Variants in MELK observed in about 807,000 individuals in gnomAD.
The protein encoded by MELK is pEg3 kinase.
A neutral mutation model predicts 85.0 loss-of-function variants in MELK; 81 were observed. The ratio of observed to expected loss-of-function variants is 0.95; its 90% CI spans 0.80 to 1.15. The LOEUF is 1.15. MELK is among the 50% of genes most tolerant of loss of function. MELK has a pLI of 0.00. For synonymous variants in MELK, 252 were observed against 265.0 expected, an observed-to-expected ratio of 0.95 and a Z score of 0.48; for missense variants, 754 against 777.5, an observed-to-expected ratio of 0.97 and a Z score of 0.36.
At chr9:36,604,130 T>A (rs1825219318) in intron 7 of MELK, among the ~76,000 whole-genome samples, 1 of 151,346 alleles carries the variant, frequency 6.6e-6, no homozygotes. Flanking sequence ...CCACCCTGCC[T>A]GGCAAATTTT....
At chr9:36,633,751 T>C (rs1329625971) in intron 10 of MELK, among the ~76,000 whole-genome samples, 1 of 150,522 alleles carries the variant, frequency 6.6e-6, no homozygotes, top group East Asian at 1.9e-4. Flanking sequence ...TTTACAACTT[T>C]GCAAATTTCT....
In MELK at chr9:36,601,595, TACCATCTTA is replaced by T. The variant is rs539307534; in HGVS notation, c.567+2112_567+2120del. 8.5e-5 allele frequency among the ~76,000 whole-genome samples: 13 copies of T among 152,346 alleles called. No individual in the cohort carries two copies. The South Asian group carries it at 2.7e-3, about 32-fold the overall frequency. On this transcript the variant is annotated intron_variant, in intron 7 of 17. Coordinates refer to ENST00000298048, the MANE Select transcript of MELK (RefSeq NM_014791.4). ...GGTAAAATACACATAACATAAAATT[TACCATCTTA>T]ACTGTTTTAAAATGTATAGTTTAGT...
chr9:36,622,265 C>G (rs775977482), intron 8 of MELK, among the ~76,000 whole-genome samples: 9 of 152,078 alleles, frequency 5.9e-5, no homozygotes, highest in Non-Finnish European at 1.3e-4. Flanking sequence ...TGTTCCGAGT[C>G]GCAGTGTAAT....
At chr9:36,677,046 T>C (rs1326978678) in intron 17 of MELK, 114 bp from the exon 18 acceptor site, 2 of 884,122 alleles carry the variant, frequency 2.3e-6, no homozygotes, top group Non-Finnish European at 3.4e-6. Flanking sequence ...CAGTAATACA[T>C]TGCTTAATAT....
chr9:36,595,562 A>G (rs1587367318), intron 5 of MELK, among the ~76,000 whole-genome samples: 2 of 148,732 alleles, frequency 1.3e-5, no homozygotes, highest in South Asian at 4.2e-4. Context: ...ATTTATGAGC[A>G]TTCTGTGTAT....
At chr9:36,579,290 G>A (rs1424836938) in intron 1 of MELK, among the ~76,000 whole-genome samples, 1 of 152,202 alleles carries the variant, frequency 6.6e-6, no homozygotes, top group Non-Finnish European at 1.5e-5. Flanking sequence ...GCCTCCCAAA[G>A]TGCTGGGATT....
At chr9:36,638,209 A>C (rs1829396671) in intron 10 of MELK, among the ~76,000 whole-genome samples, 1 of 152,092 alleles carries the variant, frequency 6.6e-6, no homozygotes, top group Non-Finnish European at 1.5e-5. Context: ...GTTTTTTTTT[A>C]TTTGGGACAC....
At chr9:36,607,514 C>T (rs1455751807) in intron 7 of MELK, 61 bp from the exon 8 acceptor site, 1 of 1,217,366 alleles carries the variant, frequency 8.2e-7, no homozygotes, top group African/African-American at 1.5e-5. Context: ...AGAGTCCTAC[C>T]ATTCTGAAAT....
chr9:36,675,574 A>C (rs1255387558), intron 17 of MELK, among the ~76,000 whole-genome samples: 6 of 152,158 alleles, frequency 3.9e-5, no homozygotes. Context: ...AGACATTTCA[A>C]ATGAATCAGG....
chr9:36,649,785 A>G (rs1830532882), intron 11 of MELK, among the ~76,000 whole-genome samples: 1 of 152,044 alleles, frequency 6.6e-6, no homozygotes, highest in African/African-American at 2.4e-5. Flanking sequence ...AGGGAAAATA[A>G]TGCAAGAAGA....
chr9:36,577,857 T>G (rs1821810519), intron 1 of MELK, among the ~76,000 whole-genome samples: 1 of 151,856 alleles, frequency 6.6e-6, no homozygotes, highest in Non-Finnish European at 1.5e-5. Flanking sequence ...TTCTCCATGT[T>G]GGTCAGGCTG....
intron 8 of MELK, among the ~76,000 whole-genome samples, chr9:36,617,917 G>C (rs2136145818): frequency 6.6e-6 from 1 of 152,184 alleles, no homozygotes; most frequent in Non-Finnish European, 1.5e-5. Context: ...CTTGAGGCCA[G>C]AAGTTTGAGA....
At position 36,671,125 on chromosome 9, in the gene MELK, A is replaced by G. The variant is rs950944093; in HGVS notation, c.1633A>G (p.Lys545Glu). Reference protein sequence around the residue: ...DKVITVLTRSKRKGSARDGPR... With the variant: ...DKVITVLTRSERKGSARDGPR... ...GGTTATCACTGTGCTCACCAGGAGC[A>G]AAAGGAAGGGTTCTGCCAGAGACGG... The change falls in exon 16 of 18, where the codon AAA (lysine) becomes GAA (glutamate). Residue 545 changes from lysine (K) to glutamate (E), a missense_variant. By Grantham distance (56) the Lys-to-Glu change is moderately conservative. Coordinates refer to ENST00000298048, the MANE Select transcript of MELK (RefSeq NM_014791.4). The G allele has an allele frequency of 4.0e-5, 64 of 1,610,542 alleles. No individual in the cohort carries two copies. The highest frequency in any genetic ancestry group is 5.0e-5 in the Non-Finnish European group (59 of 1,178,316).
chr9:36,607,928 T>A (rs1397964199), intron 8 of MELK, among the ~76,000 whole-genome samples: 1 of 152,146 alleles, frequency 6.6e-6, no homozygotes, highest in Non-Finnish European at 1.5e-5. Context: ...TTGCCCATGG[T>A]CAACTGCGGT....
chr9:36,663,180 A>C (rs957342736), intron 13 of MELK, among the ~76,000 whole-genome samples: 6 of 151,628 alleles, frequency 4.0e-5, no homozygotes, highest in African/African-American at 1.5e-4. Context: ...TCCCAGGTTC[A>C]AGCGATTTTC....
chr9:36,621,911 C>T (rs1023879695), intron 8 of MELK, among the ~76,000 whole-genome samples: 1 of 152,042 alleles, frequency 6.6e-6, no homozygotes, highest in Non-Finnish European at 1.5e-5. Context: ...TAGATTAATC[C>T]TTTGAGGGAG....
chr9:36,633,602 A>G (rs1450202594), intron 10 of MELK, among the ~76,000 whole-genome samples: 2 of 152,188 alleles, frequency 1.3e-5, no homozygotes, highest in African/African-American at 2.4e-5. Context: ...CAAACTTTTT[A>G]GTTTGAGGAT....
At position 36,677,226 on chromosome 9, in the gene MELK, G is replaced by A. The variant is rs1486788878; in HGVS notation, c.1845G>A (p.Val615=). ...GKVTMQFELE[V]CQLQKPDVVG... is the part of the protein sequence containing the mutation. ...TGACAATGCAATTTGAATTAGAAGT[G>A]TGCCAGCTTCAAAAACCCGATGTGG... is the stretch of plus-strand genomic sequence containing the variant. The change falls in exon 18 of 18, where the codon GTG becomes GTA. Residue 615 remains valine (V), a synonymous_variant. Transcript: ENST00000298048. The A allele has an allele frequency of 6.2e-7, 1 of 1,614,126 alleles. No individual in the cohort carries two copies. The highest frequency in any genetic ancestry group is 8.5e-7 in the Non-Finnish European group (1 of 1,179,978).
chr9:36,636,384 C>T (rs1829141847), intron 10 of MELK, among the ~76,000 whole-genome samples: 2 of 151,976 alleles, frequency 1.3e-5, no homozygotes, highest in Non-Finnish European at 2.9e-5. Flanking sequence ...TGCCTGTAAT[C>T]CCAACTACTC....
Sources: gnomAD v4.1 joint callset for allele counts (sites outside exome capture counted in the v4.1 genomes callset) on GRCh38, gnomAD v4.1.1 for gene constraint, MANE v1.5 for transcripts, NCBI Gene and HGNC (gene_info 2026-07-23, HGNC 2026-07-21) for gene names.